The following CREB5 variants were observed in gnomAD, a reference collection of about 807,000 sequenced individuals.
CREB5 encodes cyclic AMP-responsive element-binding protein 5.
A neutral mutation model predicts 57.1 loss-of-function variants in CREB5; 19 were observed. The observed-to-expected ratio is 0.33, with a 90% CI of 0.23 to 0.49. The LOEUF (loss-of-function observed/expected upper bound fraction) is 0.49. CREB5 is among the 20% of genes least tolerant of loss of function. The probability of loss-of-function intolerance (pLI) is 0.99; values close to 1 mark genes in which losing one functional copy is unlikely to be tolerated. For missense variants in CREB5, 579 were observed against 671.6 expected (o/e 0.86, Z 1.52); for synonymous variants, 238 against 238.3 (o/e 1.00, Z 0.01).
chr7:28,318,585 T>C (rs1018878759), intron 1 of CREB5, among the ~76,000 whole-genome samples: 6 of 152,208 alleles, frequency 3.9e-5, no homozygotes, highest in Non-Finnish European at 7.3e-5. Flanking sequence ...TCTGCTACAA[T>C]GCCTCACTCT....
At chr7:28,748,763 G>A (rs1306152951) in intron 7 of CREB5, among the ~76,000 whole-genome samples, 1 of 152,192 alleles carries the variant, frequency 6.6e-6, no homozygotes, top group African/African-American at 2.4e-5. Context: ...GTGCAATGAG[G>A]ATTTTAAGAT....
chr7:28,685,637 A>ATTTCCCT (rs1800842688), intron 5 of CREB5, among the ~76,000 whole-genome samples: 1 of 129,334 alleles, frequency 7.7e-6, no homozygotes, highest in South Asian at 2.6e-4. Flanking sequence ...TCTTGATGTT[A>ATTTCCCT]TTTCCCTTTC....
chr7:28,702,435 C>T (rs894691413), intron 5 of CREB5, among the ~76,000 whole-genome samples: 8 of 152,192 alleles, frequency 5.3e-5, no homozygotes, highest in Non-Finnish European at 1.0e-4. Flanking sequence ...TTCAGAAAAG[C>T]AGAAAGATCT....
chr7:28,317,762 T>G (rs1785410448), intron 1 of CREB5, among the ~76,000 whole-genome samples: 3 of 152,324 alleles, frequency 2.0e-5, no homozygotes, highest in Admixed American at 1.3e-4. Context: ...ATGTACAGTG[T>G]GTTTTATATT....
At position 28,713,780 on chromosome 7, in the gene CREB5, G is replaced by C. The variant is rs138194382; in HGVS notation, c.465-4973G>C. On this transcript the variant is annotated intron_variant, in intron 5 of 10. Transcript: ENST00000357727. Reference sequence around the variant, plus strand: ...GTTCATTACAAGATGGTGAAATGGAGAGCCTGAAAGTTAAGAGTCTTTTCC... The same window carrying C: ...GTTCATTACAAGATGGTGAAATGGACAGCCTGAAAGTTAAGAGTCTTTTCC... Among the ~76,000 whole-genome samples the C allele has an allele frequency of 3.1e-4, 47 of 152,246 alleles. No homozygotes were observed. In the East Asian group the frequency reaches 6.4e-3, roughly 21 times the overall value.
chr7:28,689,412 A>G (rs1312518636), intron 5 of CREB5, among the ~76,000 whole-genome samples: 13 of 152,174 alleles, frequency 8.5e-5, no homozygotes, highest in Middle Eastern at 3.4e-3. Context: ...AGCTTGCAGT[A>G]AGCCGAGATC....
chr7:28,352,243 C>T (rs1010603499), intron 1 of CREB5, among the ~76,000 whole-genome samples: 4 of 152,202 alleles, frequency 2.6e-5, no homozygotes, highest in Non-Finnish European at 4.4e-5. Flanking sequence ...TAATGATCTG[C>T]ACTTGCCTGA....
chr7:28,465,238 C>T (rs186002715), intron 1 of CREB5, among the ~76,000 whole-genome samples: 5 of 152,256 alleles, frequency 3.3e-5, no homozygotes, highest in Admixed American at 2.0e-4. Context: ...ATTATTCCCT[C>T]GAGGTTGCCT....
At chr7:28,669,502 G>A (rs1269390573) in intron 5 of CREB5, among the ~76,000 whole-genome samples, 3 of 152,180 alleles carry the variant, frequency 2.0e-5, no homozygotes, top group Non-Finnish European at 4.4e-5. Flanking sequence ...TAAATGTACC[G>A]GGGTTGTGTA....
At chr7:28,608,077 C>G (rs550862828) in intron 5 of CREB5, among the ~76,000 whole-genome samples, 57 of 148,718 alleles carry the variant, frequency 3.8e-4, no homozygotes, top group African/African-American at 1.4e-3. Flanking sequence ...AGATTTCACA[C>G]CCATGCCTCT....
At chr7:28,319,144 C>G (rs560365357) in intron 1 of CREB5, among the ~76,000 whole-genome samples, 1 of 152,040 alleles carries the variant, frequency 6.6e-6, no homozygotes, top group African/African-American at 2.4e-5. Context: ...GGAGAGGGAG[C>G]CATAAGGAAA....
intron 1 of CREB5, among the ~76,000 whole-genome samples, chr7:28,397,611 A>C (rs1465468690): frequency 6.6e-6 from 1 of 152,230 alleles, no homozygotes; most frequent in African/African-American, 2.4e-5. Flanking sequence ...ACAGATAAAA[A>C]TCTGTCTTAT....
chr7:28,468,506 T>C (rs1049690293), intron 1 of CREB5, among the ~76,000 whole-genome samples: 2 of 152,186 alleles, frequency 1.3e-5, no homozygotes, highest in Non-Finnish European at 2.9e-5. Context: ...ACAGATCTGC[T>C]CGACCAAGGA....
At chr7:28,649,593 A>G (rs778655984) in intron 5 of CREB5, among the ~76,000 whole-genome samples, 2 of 152,166 alleles carry the variant, frequency 1.3e-5, no homozygotes, top group Admixed American at 6.5e-5. Context: ...AGAGTATTCA[A>G]CCCGCTTGGA....
At chr7:28,723,274 T>A (rs1435922415) in intron 6 of CREB5, among the ~76,000 whole-genome samples, 1 of 152,194 alleles carries the variant, frequency 6.6e-6, no homozygotes, top group African/African-American at 2.4e-5. Flanking sequence ...CTTTTAAAAG[T>A]GTTAATTTTC....
chr7:28,693,618 GC>G (rs1801389390), intron 5 of CREB5, among the ~76,000 whole-genome samples: 1 of 152,214 alleles, frequency 6.6e-6, no homozygotes, highest in Non-Finnish European at 1.5e-5. Context: ...ATGAGATTGG[GC>G]CCTGTGGATT....
At chr7:28,400,081 A>G (rs145832815) in intron 1 of CREB5, among the ~76,000 whole-genome samples, 1 of 152,142 alleles carries the variant, frequency 6.6e-6, no homozygotes, top group Non-Finnish European at 1.5e-5. Flanking sequence ...ACACACACAC[A>G]CACACGTTTT....
intron 1 of CREB5, among the ~76,000 whole-genome samples, chr7:28,358,890 C>T (rs1786401865): frequency 6.6e-6 from 1 of 152,162 alleles, no homozygotes; most frequent in South Asian, 2.1e-4. Flanking sequence ...ACTTGGTATA[C>T]GTATTGGGGA....
intron 4 of CREB5, among the ~76,000 whole-genome samples, chr7:28,543,111 CCTCTT>C (rs1794270464): frequency 6.6e-6 from 1 of 152,088 alleles, no homozygotes; most frequent in South Asian, 2.1e-4. Context: ...TTTTCTCTCT[CCTCTT>C]GAACATCTGA....
Sources: gnomAD v4.1 joint callset for allele counts (sites outside exome capture counted in the v4.1 genomes callset) on GRCh38, gnomAD v4.1.1 for gene constraint, MANE v1.5 for transcripts, NCBI Gene and HGNC (gene_info 2026-07-23, HGNC 2026-07-21) for gene names.